Variants in SMARCA4 observed in about 807,000 individuals in gnomAD.
SMARCA4 encodes SWI/SNF related BAF chromatin remodeling complex subunit ATPase 4, also known as SWI/SNF-related matrix-associated actin-dependent regulator of chromatin subfamily A member 4.
A neutral mutation model predicts 193.9 loss-of-function variants in SMARCA4; 31 were observed. The ratio of observed to expected loss-of-function variants is 0.16; its 90% CI spans 0.12 to 0.22. The LOEUF (loss-of-function observed/expected upper bound fraction) is 0.22. Among genes scored for constraint, SMARCA4 ranks in the 10% least tolerant of loss-of-function variants. The pLI is 1.00. For missense variants in SMARCA4, 1,148 were observed against 2,296.0 expected, an observed-to-expected ratio of 0.50 and a Z score of 10.22; for synonymous variants, 942 against 933.1, an observed-to-expected ratio of 1.01 and a Z score of -0.17.
intron 1 of SMARCA4, among the ~76,000 whole-genome samples, chr19:10,983,900 G>A (rs553339344): frequency 7.2e-5 from 11 of 152,224 alleles, no homozygotes; most frequent in African/African-American, 2.4e-4. Flanking sequence ...GTCTGTGAGC[G>A]TGGCCCACCC....
At chr19:11,003,316 T>C (rs1360102726) in intron 12 of SMARCA4, 24 bp from the exon 13 acceptor site, 16 of 1,612,364 alleles carry the variant, frequency 9.9e-6, no homozygotes, top group Non-Finnish European at 1.3e-5. Context: ...CAGATTTGTA[T>C]GAAAGCCCTT....
chr19:10,976,168 C>T (rs756048891), intron 1 of SMARCA4, among the ~76,000 whole-genome samples: 64 of 152,170 alleles, frequency 4.2e-4, no homozygotes, highest in Admixed American at 1.6e-3. Flanking sequence ...CCAAATCCTT[C>T]GTTTCCTGTA....
Position 11,030,653 on chromosome 19 carries a change from G to C in SMARCA4, c.3383-77G>C, listed in dbSNP as rs2146594018. ...GGTGCTGATCCTGCTCCTGCTCTCA[G>C]AAGCAGGTGTTCCTTGGTGTCCCCA... On this transcript the variant is annotated intron_variant, in intron 24 of 34. Transcript: ENST00000344626. The surrounding 1 kb of genome is among the most constrained non-coding windows in gnomAD (Gnocchi z 5.5). 7.4e-7 allele frequency: 1 copy of C among 1,350,490 alleles called. No individual in the cohort carries two copies. The highest frequency in any genetic ancestry group is 1.0e-6 in the Non-Finnish European group (1 of 967,240). The allele number at this position is 1,350,490 out of a possible 1,614,324, so 83.7% of individuals were successfully genotyped here. A position where few individuals can be genotyped will look rare whatever the true frequency, so the allele number is the denominator to read the frequency against.
chr19:10,989,233 A>G (rs2145842876), intron 6 of SMARCA4, 84 bp from the exon 7 acceptor site: 1 of 1,558,860 alleles, frequency 6.4e-7, no homozygotes, highest in East Asian at 2.2e-5. Flanking sequence ...GCCTCTCTCG[A>G]GGGATGGGTC....
At chr19:10,988,918 C>T (rs1440809332) in intron 6 of SMARCA4, among the ~76,000 whole-genome samples, 3 of 152,214 alleles carry the variant, frequency 2.0e-5, no homozygotes, top group African/African-American at 7.2e-5. Context: ...TCAGACCAAG[C>T]CTCTAGGGTC....
intron 11 of SMARCA4, among the ~76,000 whole-genome samples, chr19:10,998,059 G>A (rs934943256): frequency 6.6e-6 from 1 of 151,976 alleles, no homozygotes; most frequent in African/African-American, 2.4e-5. Flanking sequence ...TTGTGTGTGT[G>A]TTTGTTTTTT....
At chr19:11,039,818 C>A (rs1340452471) in intron 29 of SMARCA4, 1 of 250,644 alleles carries the variant, frequency 4.0e-6, no homozygotes, top group Non-Finnish European at 7.5e-6. Context: ...CGCGGTGGCT[C>A]ACGCCTGTAA....
At position 11,059,000 on chromosome 19, in the gene SMARCA4, T is replaced by G. The variant is rs543774472; in HGVS notation, c.4635+111T>G. 8.1e-6 allele frequency: 7 copies of G among 860,520 alleles called. No homozygotes were observed. Among genetic ancestry groups the G allele is most frequent in the Non-Finnish European group, 1.3e-5 (7 of 531,754 alleles). The allele number at this position is 860,520 out of a possible 1,614,324, so 53.3% of individuals were successfully genotyped here. Reference sequence around the variant, plus strand: ...TGGGTTAAAAACAAGTCCCGCTAGCTGTGGTGGTTCGTGCCTGTAATCCCA... The same window carrying G: ...TGGGTTAAAAACAAGTCCCGCTAGCGGTGGTGGTTCGTGCCTGTAATCCCA... On this transcript the variant is annotated intron_variant, in intron 32 of 34. Coordinates refer to ENST00000344626, the MANE Select transcript of SMARCA4 (RefSeq NM_003072.5). The surrounding 1 kb of genome is among the most constrained non-coding windows in gnomAD (Gnocchi z 5.8).
intron 1 of SMARCA4, among the ~76,000 whole-genome samples, chr19:10,969,883 T>C (rs1289389694): frequency 1.8e-4 from 27 of 152,166 alleles, no homozygotes. Context: ...TGGAACATTC[T>C]AGCAGCTCCC....
At position 11,002,605 on chromosome 19, in the gene SMARCA4, C is replaced by T. The variant is rs73013153; in HGVS notation, c.1813-424C>T. ...TGAGGCCAGAAGTTTGAGACCAGCC[C>T]GGCCTGAATTTTCAGCTATGAGTGT... On this transcript the variant is annotated intron_variant, in intron 11 of 34. Coordinates refer to ENST00000344626, the MANE Select transcript of SMARCA4 (RefSeq NM_003072.5). Among the ~76,000 whole-genome samples the T allele has an allele frequency of 6.8e-3, 1,042 of 152,194 alleles. 13 individuals are homozygous for T. Among genetic ancestry groups the T allele is most frequent in the South Asian group, 0.052 (253 of 4,826 alleles).
At chr19:11,047,845 A>C (rs1421979678) in intron 30 of SMARCA4, 2 of 152,088 alleles carry the variant, frequency 1.3e-5, no homozygotes, top group Non-Finnish European at 2.9e-5. Flanking sequence ...CTGGTCCCAG[A>C]CCCCACGTAA....
intron 7 of SMARCA4, 94 bp downstream of exon 7, chr19:10,989,537 C>T (rs2145854095): frequency 1.4e-6 from 2 of 1,437,450 alleles, no homozygotes; most frequent in Admixed American, 1.7e-5. Context: ...GCTAGTATTA[C>T]ACCTGCCTGG....
chr19:10,972,301 G>A (rs780253963), intron 1 of SMARCA4, among the ~76,000 whole-genome samples: 4 of 151,804 alleles, frequency 2.6e-5, no homozygotes, highest in Non-Finnish European at 4.4e-5. Flanking sequence ...TCACCATGTT[G>A]GTCAGGCTGG....
At chr19:11,015,385 G>A (rs184741199) in intron 16 of SMARCA4, among the ~76,000 whole-genome samples, 10 of 152,112 alleles carry the variant, frequency 6.6e-5, no homozygotes, top group African/African-American at 2.2e-4. Flanking sequence ...CGAGCTTGAC[G>A]CTGTTGAATC....
chr19:11,041,428 G>T lies in SMARCA4; in HGVS notation c.4292G>T (p.Arg1431Leu), dbSNP rs377573682. 1 of 1,612,462 alleles carries T rather than the reference G, an allele frequency of 6.2e-7. No individual in the cohort carries two copies. Among genetic ancestry groups the T allele is most frequent in the Non-Finnish European group, 8.5e-7 (1 of 1,179,944 alleles). ...ACCCCGACCACCAGCACCCGCAGCC[G>T]CGACAAGGACGACGAGAGCAAGAAG... ...SSTPTTSTRSRDKDDESKKQK... is the reference protein window; with the variant it reads ...SSTPTTSTRSLDKDDESKKQK... Residue 1431 changes from arginine (R) to leucine (L), a missense_variant, in exon 30 of 35, where the codon CGC becomes CTC. Arg to Leu is a moderately radical substitution (Grantham distance 102, BLOSUM62 -2). Around this residue, in one of 17 missense-constraint regions of SMARCA4, gnomAD observed 141 missense variants for 193.0 expected, o/e 0.73. Transcript: ENST00000344626. The surrounding 1 kb of genome is among the most constrained non-coding windows in gnomAD (Gnocchi z 5.6).
chr19:11,036,490 C>T (rs1007910513), intron 29 of SMARCA4, among the ~76,000 whole-genome samples: 2 of 152,114 alleles, frequency 1.3e-5, no homozygotes, highest in Non-Finnish European at 2.9e-5. Flanking sequence ...AACTCCTGGG[C>T]TCAAACAATC....
At chr19:11,040,591 CAA>C (rs146891898) in intron 29 of SMARCA4, 9,108 of 95,942 alleles carry the variant, frequency 0.095, 459 homozygotes, top group East Asian at 0.33. Flanking sequence ...ACTCCGTCTC[CAA>C]AAAAAAAAAA....
At chr19:10,994,096 G>A (rs1465354133) in intron 8 of SMARCA4, among the ~76,000 whole-genome samples, 2 of 151,962 alleles carry the variant, frequency 1.3e-5, no homozygotes, top group Non-Finnish European at 2.9e-5. Flanking sequence ...CTGGAGTACA[G>A]TGGTGCGATC....
At chr19:10,999,310 A>T (rs1038130157) in intron 11 of SMARCA4, among the ~76,000 whole-genome samples, 1 of 152,084 alleles carries the variant, frequency 6.6e-6, no homozygotes, top group African/African-American at 2.4e-5. Flanking sequence ...GAGCAGCCGG[A>T]TCTGGGAAAT....
Sources: allele counts gnomAD v4.1 joint callset (sites outside exome capture counted in the v4.1 genomes callset), GRCh38; gene constraint gnomAD v4.1.1; regional missense constraint gnomAD v4.1.1; non-coding constraint Gnocchi (gnomAD v3.1); transcripts MANE v1.5; gene names NCBI Gene and HGNC (gene_info 2026-07-23, HGNC 2026-07-21).